Variants in TCP11L2 observed in about 807,000 individuals in gnomAD.
TCP11L2 encodes the protein T-complex protein 11-like protein 2.
Under a neutral mutation model 50.7 loss-of-function variants are expected in TCP11L2, and 39 were observed. The ratio of observed to expected loss-of-function variants is 0.77; its 90% CI spans 0.60 to 1.01. The LOEUF (loss-of-function observed/expected upper bound fraction) is 1.01. Among genes scored for constraint, TCP11L2 ranks in the 50% least tolerant of loss-of-function variants. TCP11L2 has a pLI of 0.00. For synonymous variants in TCP11L2, 192 were observed against 219.3 expected, an observed-to-expected ratio of 0.88 and a Z score of 1.10; for missense variants, 612 against 614.7, an observed-to-expected ratio of 1.00 and a Z score of 0.05.
At chr12:106,329,807 T>TGTCTTTTAAATGAAAGACTGCAA (rs1408154169) in intron 6 of TCP11L2, 18 of 988,530 alleles carry the variant, frequency 1.8e-5, no homozygotes, top group Non-Finnish European at 2.2e-5. Context: ...CTCAGTTGGA[T>TGTCTTTTAAATGAAAGACTGCAA]GTCTTTTAAA....
intron 1 of TCP11L2, among the ~76,000 whole-genome samples, chr12:106,304,809 C>G (rs948370411): frequency 6.6e-6 from 1 of 152,152 alleles, no homozygotes; most frequent in Non-Finnish European, 1.5e-5. Context: ...TTTGCTAATA[C>G]GTGGGGTCTA....
At chr12:106,299,592 C>A (rs2034381587), upstream of TCP11L2, among the ~76,000 whole-genome samples, 1 of 152,112 alleles carries the variant, frequency 6.6e-6, no homozygotes, top group Admixed American at 6.5e-5. Context: ...GCCCAGACTG[C>A]ACGAACATGA....
intron 3 of TCP11L2, among the ~76,000 whole-genome samples, chr12:106,317,711 T>G (rs1193638611): frequency 1.3e-5 from 2 of 152,138 alleles, no homozygotes; most frequent in African/African-American, 4.8e-5. Flanking sequence ...GAGGGACATG[T>G]GGTTTTCTAA....
chr12:106,343,126 G>T (rs748631933), intron 9 of TCP11L2, among the ~76,000 whole-genome samples: 1 of 152,162 alleles, frequency 6.6e-6, no homozygotes, highest in Admixed American at 6.5e-5. Flanking sequence ...CAGGGACTCC[G>T]TGTGGCTGCT....
chr12:106,311,977 C>T (rs954261439), intron 2 of TCP11L2, among the ~76,000 whole-genome samples: 2 of 152,078 alleles, frequency 1.3e-5, no homozygotes, highest in Admixed American at 1.3e-4. Context: ...TTTACATTCT[C>T]ATTTTTTAAA....
chr12:106,305,593 T>G (rs1412823622), intron 1 of TCP11L2, among the ~76,000 whole-genome samples: 2 of 152,186 alleles, frequency 1.3e-5, no homozygotes, highest in African/African-American at 4.8e-5. Context: ...CAAGGTGTCT[T>G]ATGAATAGGA....
At chr12:106,341,857 C>T (rs1378747453) in intron 9 of TCP11L2, among the ~76,000 whole-genome samples, 1 of 152,190 alleles carries the variant, frequency 6.6e-6, no homozygotes, top group African/African-American at 2.4e-5. Flanking sequence ...TCCAGTTAGC[C>T]TGACTATGGT....
At chr12:106,318,254 T>C in intron 3 of TCP11L2, 90 bp from the exon 4 acceptor site, 1 of 1,444,464 alleles carries the variant, frequency 6.9e-7, no homozygotes, top group South Asian at 1.3e-5. Context: ...TTTTTTTACA[T>C]TTTATAAGAT....
intron 7 of TCP11L2, 84 bp downstream of exon 7, chr12:106,335,910 G>A (rs984744713): frequency 1.8e-5 from 28 of 1,525,066 alleles, no homozygotes; most frequent in Non-Finnish European, 2.5e-5. Context: ...TGTGTTTCAT[G>A]TGGTTTAATG....
chr12:106,336,060 A>G lies in TCP11L2; in HGVS notation c.989A>G (p.Gln330Arg), dbSNP rs1198004903. The change falls in exon 8 of 10, where the codon CAG (glutamine) becomes CGG (arginine). Residue 330 changes from glutamine to arginine, a missense_variant. Gln to Arg is a conservative substitution (Grantham distance 43). Transcript: ENST00000299045. ...ETLMTDGARL[Q>R]ELTEKLNQLK... ...CTTATGACAGATGGAGCACGTCTTC[A>G]GGAACTAACAGAAAAGCTGAATCAA... 2.5e-6 allele frequency: 4 copies of G among 1,613,458 alleles called. No homozygotes were observed. The Admixed American group carries it at 5.0e-5, about 20-fold the overall frequency.
chr12:106,325,905 A>AC (rs2035524303), intron 6 of TCP11L2: 2 of 151,484 alleles, frequency 1.3e-5, no homozygotes, highest in African/African-American at 2.4e-5. Context: ...AAAAAAAAAA[A>AC]AAAAAAAACC....
rs1391169776 is a variant in TCP11L2 at position 106,318,338 on chromosome 12, C to T, written c.294-6C>T. 1.2e-6 allele frequency: 2 copies of T among 1,609,900 alleles called. No homozygotes were observed. Among genetic ancestry groups the T allele is most frequent in the Non-Finnish European group, 8.5e-7 (1 of 1,177,588 alleles). ...TTTTAAAAAACAATTCATTTTATTG[C>T]CATAGTTTGGCTGGTCGAGTGAAGC... On this transcript the variant is annotated splice_region_variant and splice_polypyrimidine_tract_variant and intron_variant, in intron 3 of 9. Coordinates refer to ENST00000299045, the MANE Select transcript of TCP11L2 (RefSeq NM_152772.3).
At chr12:106,307,611 G>A (rs1355559836) in intron 1 of TCP11L2, among the ~76,000 whole-genome samples, 1 of 152,200 alleles carries the variant, frequency 6.6e-6, no homozygotes, top group Non-Finnish European at 1.5e-5. Context: ...ACTCAAGACC[G>A]AGAAAGGTAA....
chr12:106,337,465 C>T (rs2035956661), intron 8 of TCP11L2, among the ~76,000 whole-genome samples: 1 of 152,192 alleles, frequency 6.6e-6, no homozygotes, highest in East Asian at 1.9e-4. Flanking sequence ...GAAAGGAAAC[C>T]TCTGATTTTG....
chr12:106,330,259 G>C, intron 6 of TCP11L2: 1 of 985,198 alleles, frequency 1.0e-6, no homozygotes, highest in Non-Finnish European at 1.2e-6. Flanking sequence ...CATGATGTAA[G>C]AGACATTTTA....
chr12:106,325,481 T>C (rs990054645), intron 6 of TCP11L2: 4 of 152,254 alleles, frequency 2.6e-5, no homozygotes, highest in African/African-American at 9.7e-5. Context: ...CATGTTTGGA[T>C]TTGACAAGCA....
intron 1 of TCP11L2, among the ~76,000 whole-genome samples, chr12:106,304,466 T>C (rs1220741422): frequency 1.3e-5 from 2 of 152,252 alleles, no homozygotes; most frequent in African/African-American, 2.4e-5. Flanking sequence ...GGTTTTTGCT[T>C]TGCTGTGGAT....
intron 3 of TCP11L2, 33 bp downstream of exon 3, chr12:106,314,526 C>G: frequency 6.5e-7 from 1 of 1,547,492 alleles, no homozygotes; most frequent in East Asian, 2.4e-5. Context: ...ATATAAACTG[C>G]TGAAGATTCT....
In TCP11L2 at chr12:106,329,587, T is replaced by G. The variant is rs556420832; in HGVS notation, c.772+5941T>G. 24 of 1,379,696 alleles carry G rather than the reference T, an allele frequency of 1.7e-5. 1 individual carries two copies. The highest frequency in any genetic ancestry group is 5.4e-4 in the Middle Eastern group (2 of 3,694). The allele number at this position is 1,379,696 out of a possible 1,614,324, so 85.5% of individuals were successfully genotyped here. On this transcript the variant is annotated intron_variant, in intron 6 of 9. Coordinates refer to ENST00000299045, the MANE Select transcript of TCP11L2 (RefSeq NM_152772.3). ...AATAAATCAAAGTCTCCAGGAGCTG[T>G]GCCCATGAACTCTTTTTTTCCTTTT...
Sources: gnomAD v4.1 joint callset for allele counts (sites outside exome capture counted in the v4.1 genomes callset) on GRCh38, gnomAD v4.1.1 for gene constraint, MANE v1.5 for transcripts, NCBI Gene and HGNC (gene_info 2026-07-23, HGNC 2026-07-21) for gene names.